FGD2: variants seen among roughly 807,000 people sequenced by gnomAD.
FGD2 encodes the protein FYVE, RhoGEF and PH domain containing 2.
A neutral mutation model predicts 75.9 loss-of-function variants in FGD2; 52 were observed. That is an observed-to-expected ratio of 0.69 (90% CI 0.55 to 0.86). FGD2 has a LOEUF of 0.86. FGD2 is among the 40% of genes least tolerant of loss of function. FGD2 has a pLI of 0.00. For synonymous variants in FGD2, 347 were observed against 348.6 expected (o/e 1.00, Z 0.05); for missense variants, 790 against 872.0 (o/e 0.91, Z 1.18).
intron 1 of FGD2, among the ~76,000 whole-genome samples, chr6:37,007,931 C>A (rs1370127973): frequency 6.6e-6 from 1 of 152,108 alleles, no homozygotes; most frequent in Non-Finnish European, 1.5e-5. Flanking sequence ...TTTGACTCCG[C>A]GGACCTGTTT....
At chr6:37,015,106 C>A in intron 8 of FGD2, 68 bp downstream of exon 8, 1 of 1,554,252 alleles carries the variant, frequency 6.4e-7, no homozygotes, top group South Asian at 1.2e-5. Flanking sequence ...TGGCCCGAGT[C>A]ATACTGCCTG....
chr6:37,025,375 C>T (rs1024944366), intron 13 of FGD2: 3 of 198,750 alleles, frequency 1.5e-5, no homozygotes, highest in African/African-American at 6.9e-5. Flanking sequence ...AAGCTGGGCC[C>T]TGCTTGCCTG....
At chr6:37,027,634 G>C (rs758485384) in intron 15 of FGD2, 59 bp downstream of exon 15, 1 of 1,598,804 alleles carries the variant, frequency 6.3e-7, no homozygotes, top group African/African-American at 1.3e-5. Flanking sequence ...GCGTGTGTGT[G>C]AAGGGGGTCA....
intron 3 of FGD2, chr6:37,011,324 T>G: frequency 1.8e-6 from 1 of 568,690 alleles, no homozygotes; most frequent in South Asian, 2.1e-5. Context: ...GGTATCTTCA[T>G]CTGTCATCTC....
chr6:37,021,752 A>G, intron 12 of FGD2, 148 bp downstream of exon 12: 2 of 703,930 alleles, frequency 2.8e-6, no homozygotes, highest in South Asian at 1.9e-5. Flanking sequence ...TTCCCAGCGC[A>G]TCCCCCGACT....
At chr6:37,008,422 T>C (rs1764846125) in intron 1 of FGD2, among the ~76,000 whole-genome samples, 1 of 152,194 alleles carries the variant, frequency 6.6e-6, no homozygotes, top group African/African-American at 2.4e-5. Context: ...CTGCTCTCAC[T>C]TTATATTGTT....
At chr6:37,005,998 C>T in intron 1 of FGD2, 113 bp downstream of exon 1, 1 of 1,192,988 alleles carries the variant, frequency 8.4e-7, no homozygotes, top group Non-Finnish European at 1.2e-6. Flanking sequence ...GCAGGGGCAG[C>T]CCCGCGTTCC....
At position 37,005,828 on chromosome 6, in the gene FGD2, C is replaced by A. The variant is rs541913806; in HGVS notation, c.11C>A (p.Ala4Glu). Residue 4 changes from alanine to glutamate, a missense_variant, in exon 1 of 16, where the codon GCA becomes GAA. Ala to Glu is a moderately radical substitution (Grantham distance 107). Transcript: ENST00000274963. ...CCGGAAACCGGCAGGATGAAGGGGGCAAGTGAGGAGAAGCTGGCATCTGTG... is the reference window on the plus strand; with the variant it reads ...CCGGAAACCGGCAGGATGAAGGGGGAAAGTGAGGAGAAGCTGGCATCTGTG... MKG[A>E]SEEKLASVSN... The A allele has an allele frequency of 1.4e-5, 22 of 1,613,726 alleles. No individual in the cohort carries two copies. The highest frequency in any genetic ancestry group is 4.0e-5 in the African/African-American group (3 of 75,040).
chr6:37,006,202 TACTC>T (rs1048877053), intron 1 of FGD2, among the ~76,000 whole-genome samples: 3 of 152,248 alleles, frequency 2.0e-5, no homozygotes, highest in Non-Finnish European at 4.4e-5. Flanking sequence ...AGGTAGCTGA[TACTC>T]ACCAAGAATT....
chr6:37,025,683 C>A, intron 13 of FGD2, 109 bp from the exon 14 acceptor site: 1 of 1,177,790 alleles, frequency 8.5e-7, no homozygotes, highest in Non-Finnish European at 1.2e-6. Flanking sequence ...GCTTTCTTTT[C>A]CTCCCCCAGT....
At chr6:37,021,378 G>C (rs528752581) in intron 11 of FGD2, 134 bp from the exon 12 acceptor site, 3 of 705,578 alleles carry the variant, frequency 4.3e-6, no homozygotes, top group Non-Finnish European at 7.1e-6. Flanking sequence ...GGCAGCCCGC[G>C]TGTGTGTAGA....
At chr6:37,022,187 C>A in intron 12 of FGD2, 52 bp from the exon 13 acceptor site, 1 of 1,565,852 alleles carries the variant, frequency 6.4e-7, no homozygotes, top group East Asian at 2.4e-5. Flanking sequence ...GGAGGATGGG[C>A]GGAAGAAGGT....
chr6:37,005,703 C>A lies in FGD2; in HGVS notation c.-115C>A. 1 of 1,127,736 alleles carries A rather than the reference C, an allele frequency of 8.9e-7. No homozygotes were observed. Among genetic ancestry groups the A allele is most frequent in the Non-Finnish European group, 1.3e-6 (1 of 760,382 alleles). 69.9% of individuals were successfully genotyped at this position (1,127,736 alleles called of 1,614,324 possible). ...TCTGAGCCCTCAAGAAAGATCAGAA[C>A]AGATTCATGGGTGATTTAGCCTATC... is the stretch of plus-strand genomic sequence containing the variant. On this transcript the variant is annotated 5_prime_UTR_variant, in exon 1 of 16. Coordinates refer to ENST00000274963, the MANE Select transcript of FGD2 (RefSeq NM_173558.4).
chr6:37,010,505 G>A (rs1205789612), intron 2 of FGD2, among the ~76,000 whole-genome samples: 1 of 152,240 alleles, frequency 6.6e-6, no homozygotes, highest in Non-Finnish European at 1.5e-5. Flanking sequence ...GATCTCTCAA[G>A]TAGCTGCAGT....
chr6:37,018,137 G>A (rs1201369227), intron 9 of FGD2, among the ~76,000 whole-genome samples: 1 of 152,132 alleles, frequency 6.6e-6, no homozygotes, highest in African/African-American at 2.4e-5. Context: ...CAGAGACCCA[G>A]GCATAGAAAA....
At chr6:37,012,056 T>G (rs945838926) in intron 4 of FGD2, 11 of 562,000 alleles carry the variant, frequency 2.0e-5, no homozygotes, top group Admixed American at 3.8e-5. Context: ...GACTGCTTCC[T>G]GGGGAAAGGG....
At chr6:37,012,318 A>G (rs1339348498) in intron 4 of FGD2, among the ~76,000 whole-genome samples, 2 of 152,240 alleles carry the variant, frequency 1.3e-5, no homozygotes, top group Non-Finnish European at 2.9e-5. Flanking sequence ...GAAGTCTAGG[A>G]TGTCCTTTAA....
Position 37,021,533 on chromosome 6 carries a change from C to A in FGD2, c.1255C>A (p.Gln419Lys). Residue 419 changes from glutamine to lysine, a missense_variant, in exon 12 of 16, where the codon CAA becomes AAA. By Grantham distance (53) the Gln-to-Lys change is moderately conservative. Transcript: ENST00000274963. The stretch of plus-strand genomic sequence containing the variant: ...CCAGGCCTTCCAAGCAGCCATTGAC[C>A]AAATCGAGAAGCGGAATGAAACCTT... ...WMQAFQAAID[Q>K]IEKRNETFKA... The A allele has an allele frequency of 6.2e-7, 1 of 1,613,866 alleles. No individual in the cohort carries two copies. The highest frequency in any genetic ancestry group is 8.5e-7 in the Non-Finnish European group (1 of 1,179,860).
At chr6:37,009,932 T>C (rs1197387132) in intron 2 of FGD2, 1 of 149,466 alleles carries the variant, frequency 6.7e-6, no homozygotes, top group Non-Finnish European at 1.5e-5. Flanking sequence ...GAGAATCACT[T>C]GAATCCAGGA....
Sources: allele counts gnomAD v4.1 joint callset (sites outside exome capture counted in the v4.1 genomes callset), GRCh38; gene constraint gnomAD v4.1.1; transcripts MANE v1.5; gene names NCBI Gene and HGNC (gene_info 2026-07-23, HGNC 2026-07-21).